The following C2CD5 variants were observed in gnomAD, a reference collection of about 807,000 sequenced individuals.
C2CD5 encodes C2 calcium dependent domain containing 5, also known as C2 domain-containing protein 5.
Under a neutral mutation model 130.3 loss-of-function variants are expected in C2CD5, and 109 were observed. The observed-to-expected ratio is 0.84, with a 90% CI of 0.72 to 0.98. C2CD5 has a LOEUF of 0.98. Among genes scored for constraint, C2CD5 ranks in the 50% least tolerant of loss-of-function variants. C2CD5 has a pLI of 0.00. For synonymous variants in C2CD5, 454 were observed against 429.2 expected (o/e 1.06, Z -0.71); for missense variants, 996 against 1,261.8 (o/e 0.79, Z 3.19).
At chr12:22,515,814 C>A (rs1465823736) in intron 8 of C2CD5, among the ~76,000 whole-genome samples, 2 of 151,618 alleles carry the variant, frequency 1.3e-5, no homozygotes, top group Non-Finnish European at 2.9e-5. Context: ...GGGTCAAATA[C>A]CCTCTATAAA....
chr12:22,477,904 T>A lies in C2CD5; in HGVS notation c.1902+409A>T, dbSNP rs918994771. ...ATTTATTTCATCATTCAACAAATACTAAGAGACTACCACCAATAGGAACTT... is the reference window on the plus strand; with the variant it reads ...ATTTATTTCATCATTCAACAAATACAAAGAGACTACCACCAATAGGAACTT... On this transcript the variant is annotated intron_variant, in intron 15 of 26. Transcript: ENST00000446597. The A allele has an allele frequency of 3.1e-5, 5 of 163,288 alleles. No individual in the cohort carries two copies. In the South Asian group the frequency reaches 8.1e-4, roughly 26 times the overall value. 10.1% of individuals were successfully genotyped at this position (163,288 alleles called of 1,614,324 possible).
intron 7 of C2CD5, among the ~76,000 whole-genome samples, chr12:22,522,428 G>C (rs1205473371): frequency 6.6e-6 from 1 of 152,168 alleles, no homozygotes; most frequent in Non-Finnish European, 1.5e-5. Context: ...CTCTGCCTCT[G>C]ACACAATGAT....
At chr12:22,533,750 C>A (rs1302817806) in intron 3 of C2CD5, among the ~76,000 whole-genome samples, 1 of 152,190 alleles carries the variant, frequency 6.6e-6, no homozygotes, top group East Asian at 1.9e-4. Context: ...GAGAAGTCCC[C>A]TCAGATCACC....
chr12:22,495,397 G>A (rs1025031136), intron 10 of C2CD5, among the ~76,000 whole-genome samples: 15 of 151,890 alleles, frequency 9.9e-5, no homozygotes, highest in Admixed American at 3.9e-4. Context: ...TTTTTAAAAC[G>A]CCAACATGTC....
At chr12:22,524,991 A>T (rs942448974) in intron 5 of C2CD5, among the ~76,000 whole-genome samples, 1 of 152,176 alleles carries the variant, frequency 6.6e-6, no homozygotes, top group Admixed American at 6.5e-5. Context: ...CAGATAATGA[A>T]TTTTTTTAAA....
chr12:22,497,293 T>A (rs1459893979), intron 10 of C2CD5, among the ~76,000 whole-genome samples: 1 of 152,092 alleles, frequency 6.6e-6, no homozygotes, highest in African/African-American at 2.4e-5. Context: ...CCGAGAGAAC[T>A]TGAAATGTTC....
chr12:22,449,915 G>C (rs1938168005), intron 26 of C2CD5, 24 bp from the exon 27 acceptor site: 1 of 1,588,530 alleles, frequency 6.3e-7, no homozygotes, highest in Non-Finnish European at 8.6e-7. Context: ...AAACAGGACA[G>C]GTTCAGTTAT....
chr12:22,489,066 G>A (rs1945997182), intron 12 of C2CD5, among the ~76,000 whole-genome samples: 1 of 151,566 alleles, frequency 6.6e-6, no homozygotes, highest in Admixed American at 6.6e-5. Flanking sequence ...AGTGGAGACG[G>A]GGTTTCACCA....
In C2CD5 at chr12:22,471,398, C is replaced by T; in HGVS notation, c.2358+1G>A. On this transcript the variant is annotated splice_donor_variant, in intron 20 of 26. Transcript: ENST00000446597. LOFTEE classifies it high-confidence loss of function. ...CTAATAATGGACTAAATCTTAATTACCTGAATTAATTCATCTTCAGGCAGA... is the reference window on the plus strand; with the variant it reads ...CTAATAATGGACTAAATCTTAATTATCTGAATTAATTCATCTTCAGGCAGA... 2 of 1,445,754 alleles carry T rather than the reference C, an allele frequency of 1.4e-6. No homozygotes were observed. The highest frequency in any genetic ancestry group is 1.4e-5 in the African/African-American group (1 of 71,368). 89.6% of individuals were successfully genotyped at this position (1,445,754 alleles called of 1,614,324 possible).
intron 3 of C2CD5, among the ~76,000 whole-genome samples, chr12:22,533,168 G>T (rs1028421301): frequency 4.6e-5 from 7 of 152,168 alleles, no homozygotes; most frequent in African/African-American, 9.7e-5. Flanking sequence ...GGAAGGGGGG[G>T]TGGTGGGTAG....
intron 9 of C2CD5, among the ~76,000 whole-genome samples, chr12:22,512,355 C>T (rs1452810105): frequency 2.6e-5 from 4 of 151,926 alleles, no homozygotes; most frequent in Non-Finnish European, 2.9e-5. Flanking sequence ...TAATATAGAA[C>T]ATGTAAAAGA....
In C2CD5 at chr12:22,525,619, A is replaced by T. The variant is rs1950650456; in HGVS notation, c.436T>A (p.Phe146Ile). 6.7e-7 allele frequency: 1 copy of T among 1,498,332 alleles called. No individual in the cohort carries two copies. Among genetic ancestry groups the T allele is most frequent in the Admixed American group, 1.7e-5 (1 of 59,672 alleles). The allele number at this position is 1,498,332 out of a possible 1,614,324, so 92.8% of individuals were successfully genotyped here. A position where few individuals can be genotyped will look rare whatever the true frequency, so the allele number is the denominator to read the frequency against. Residue 146 changes from phenylalanine to isoleucine, a missense_variant, in exon 5 of 27, where the codon TTC (phenylalanine) becomes ATC (isoleucine). By Grantham distance (21) the Phe-to-Ile change is conservative (BLOSUM62 0). Transcript: ENST00000446597. Reference sequence around the variant, plus strand: ...GAATGTATTTACTTACTGCAAAAGAATTTGACTCCACATGATGACTGCCTA... The same window carrying T: ...GAATGTATTTACTTACTGCAAAAGATTTTGACTCCACATGATGACTGCCTA... ...RFRQSSCGVK[F>I]FCTTSIPKCY...
At chr12:22,468,639 G>T (rs1233967522) in intron 22 of C2CD5, among the ~76,000 whole-genome samples, 2 of 152,110 alleles carry the variant, frequency 1.3e-5, no homozygotes, top group Non-Finnish European at 2.9e-5. Context: ...ATTGAGATAT[G>T]CTACAATTCT....
At chr12:22,473,365 G>A (rs534430678) in intron 16 of C2CD5, among the ~76,000 whole-genome samples, 8 of 152,192 alleles carry the variant, frequency 5.3e-5, no homozygotes, top group African/African-American at 1.9e-4. Context: ...CTGCAGACTC[G>A]CTAAGCTTCT....
intron 10 of C2CD5, among the ~76,000 whole-genome samples, chr12:22,502,492 A>C (rs779290268): frequency 5.9e-5 from 9 of 152,180 alleles, no homozygotes; most frequent in Non-Finnish European, 1.2e-4. Context: ...TTCTGAAGTT[A>C]ATCACCTAAG....
chr12:22,458,669 G>C (rs1230770789), intron 23 of C2CD5, 84 bp from the exon 24 acceptor site: 4 of 471,276 alleles, frequency 8.5e-6, no homozygotes, highest in Non-Finnish European at 1.0e-5. Flanking sequence ...CACTCCTTTC[G>C]ATGATGTAAT....
chr12:22,450,836 G>C (rs1009500176), intron 26 of C2CD5, among the ~76,000 whole-genome samples: 1 of 151,998 alleles, frequency 6.6e-6, no homozygotes, highest in Admixed American at 6.6e-5. Flanking sequence ...ACTAATTAAA[G>C]AAATTCCGAT....
chr12:22,508,267 T>G (rs1948803648), intron 9 of C2CD5, among the ~76,000 whole-genome samples: 1 of 151,998 alleles, frequency 6.6e-6, no homozygotes, highest in Non-Finnish European at 1.5e-5. Context: ...GAAAGAAAAA[T>G]CTATGCTATG....
chr12:22,474,647 A>G (rs1943566458), intron 16 of C2CD5, 104 bp downstream of exon 16: 1 of 729,172 alleles, frequency 1.4e-6, no homozygotes, highest in Non-Finnish European at 2.1e-6. Flanking sequence ...TTAAATATTT[A>G]TAACAGTTGT....
Sources: gnomAD v4.1 joint callset for allele counts (sites outside exome capture counted in the v4.1 genomes callset) on GRCh38, gnomAD v4.1.1 for gene constraint, MANE v1.5 for transcripts, NCBI Gene and HGNC (gene_info 2026-07-23, HGNC 2026-07-21) for gene names.